ZSCAN23: variants seen among roughly 807,000 people sequenced by gnomAD.
ZSCAN23 encodes zinc finger and SCAN domain containing 23.
ZSCAN23 carries 19 observed loss-of-function variants against 19.3 expected under a neutral mutation model. The observed-to-expected ratio is 0.99, with a 90% CI of 0.69 to 1.45. The LOEUF (loss-of-function observed/expected upper bound fraction) is 1.45. Ranked by LOEUF, ZSCAN23 falls within the 40% of genes most tolerant of loss-of-function variation. The pLI is 0.00. For synonymous variants in ZSCAN23, 140 were observed against 166.2 expected (o/e 0.84, Z 1.21); for missense variants, 372 against 462.5 (o/e 0.80, Z 1.79).
rs1472013497 is a variant in ZSCAN23 at position 28,443,440 on chromosome 6, A to T, written c.-119T>A. On this transcript the variant is annotated 5_prime_UTR_variant, in exon 1 of 4. An upstream start codon of the reference 5' UTR is lost. Transcript: ENST00000289788. ...GGAGATGCCACCTAGCGCAGATCAC[A>T]TCTGCTCTGAATCCTTGACAACCGC... is the stretch of plus-strand genomic sequence containing the variant. 6.6e-6 allele frequency: 1 copy of T among 152,286 alleles called. No homozygotes were observed. The highest frequency in any genetic ancestry group is 1.9e-4 in the East Asian group (1 of 5,194). 9.4% of individuals were successfully genotyped at this position (152,286 alleles called of 1,614,324 possible).
intron 1 of ZSCAN23, among the ~76,000 whole-genome samples, chr6:28,441,088 C>T (rs547632321): frequency 6.6e-6 from 1 of 152,292 alleles, no homozygotes; most frequent in African/African-American, 2.4e-5. Context: ...AAGTTGGTTC[C>T]TCCTAGAGCC....
downstream of ZSCAN23, among the ~76,000 whole-genome samples, chr6:28,427,597 C>T (rs2114025996): frequency 6.6e-6 from 1 of 152,260 alleles, no homozygotes; most frequent in East Asian, 1.9e-4. Flanking sequence ...CTAAACATAT[C>T]TAAACACAGA....
chr6:28,429,729 G>GA (rs1561975024), downstream of ZSCAN23, among the ~76,000 whole-genome samples: 1 of 152,154 alleles, frequency 6.6e-6, no homozygotes, highest in Non-Finnish European at 1.5e-5. Flanking sequence ...TCCTGATCCT[G>GA]AGAGATCTAC....
At chr6:28,431,969 T>C (rs914229581), downstream of ZSCAN23, 5 of 152,222 alleles carry the variant, frequency 3.3e-5, no homozygotes, top group African/African-American at 1.2e-4. Context: ...TTATATTTTG[T>C]TCTTTTTTCT....
chr6:28,443,098 CGAATCTATTT>C (rs1186127867), intron 1 of ZSCAN23, among the ~76,000 whole-genome samples: 3 of 152,258 alleles, frequency 2.0e-5, no homozygotes, highest in South Asian at 2.1e-4. Flanking sequence ...TCTTCATATC[CGAATCTATTT>C]GAATCCTAAG....
intron 1 of ZSCAN23, among the ~76,000 whole-genome samples, chr6:28,439,249 G>A (rs906678657): frequency 2.6e-5 from 4 of 152,028 alleles, no homozygotes; most frequent in African/African-American, 9.7e-5. Flanking sequence ...ACCATGCCTA[G>A]CTAATTTTTG....
chr6:28,427,763 G>A (rs1043623899), downstream of ZSCAN23, among the ~76,000 whole-genome samples: 41 of 152,082 alleles, frequency 2.7e-4, no homozygotes, highest in African/African-American at 8.9e-4. Flanking sequence ...CTACTTCGTA[G>A]CTCTTATTCT....
At chr6:28,426,817 CTGTT>C in the ZSCAN23 span, among the ~76,000 whole-genome samples, 94 of 152,282 alleles carry the variant, frequency 6.2e-4, no homozygotes, top group East Asian at 3.5e-3. Context: ...AAAAGTTTGT[CTGTT>C]TGTTTGAGAC....
the ZSCAN23 span, among the ~76,000 whole-genome samples, chr6:28,422,225 A>G: frequency 6.6e-6 from 1 of 152,102 alleles, no homozygotes; most frequent in Non-Finnish European, 1.5e-5. This position sits in a 1 kb window ranked among gnomAD's most constrained non-coding sequence, Gnocchi z 4.0. Context: ...TTCATAGTAC[A>G]GAGTGAAGAA....
chr6:28,439,437 T>C (rs1363031460), intron 1 of ZSCAN23, among the ~76,000 whole-genome samples: 2 of 152,152 alleles, frequency 1.3e-5, no homozygotes, highest in Non-Finnish European at 2.9e-5. Context: ...TACCATACTA[T>C]CTTTTTCTGT....
At position 28,434,371 on chromosome 6, in the gene ZSCAN23, G is replaced by A; in HGVS notation, c.*94C>T. On this transcript the variant is annotated 3_prime_UTR_variant, in exon 4 of 4. Transcript: ENST00000289788. ...TATGCTTCTCTCTGCATAAAAGTAA[G>A]GGAATTTTTACTGGCTTTCCCTTGA... 7.2e-7 allele frequency: 1 copy of A among 1,386,230 alleles called. No homozygotes were observed. Among genetic ancestry groups the A allele is most frequent in the African/African-American group, 1.5e-5 (1 of 68,544 alleles). The allele number at this position is 1,386,230 out of a possible 1,614,324, so 85.9% of individuals were successfully genotyped here. A position where few individuals can be genotyped will look rare whatever the true frequency, so the allele number is the denominator to read the frequency against.
downstream of ZSCAN23, among the ~76,000 whole-genome samples, chr6:28,429,277 A>G (rs1239671208): frequency 1.3e-5 from 2 of 152,300 alleles, no homozygotes; most frequent in East Asian, 3.9e-4. Flanking sequence ...CATTTTTGCA[A>G]CATAAAGCCT....
Position 28,436,090 on chromosome 6 carries a change from G to A in ZSCAN23, c.177C>T (p.Ser59=), listed in dbSNP as rs749479125. Residue 59 remains serine (S), a synonymous_variant, in exon 2 of 4, where the codon TCC becomes TCT. Coordinates refer to ENST00000289788, the MANE Select transcript of ZSCAN23 (RefSeq NM_001012455.2). The part of the protein sequence containing the change: ...RRFRQFCYQE[S]PGPREALQRL... ...TTTGAAGAGCCTCCCGGGGCCCAGG[G>A]GACTCCTGATAGCAGAACTGCCTGA... 2 of 1,613,900 alleles carry A rather than the reference G, an allele frequency of 1.2e-6. No homozygotes were observed. Among genetic ancestry groups the A allele is most frequent in the Non-Finnish European group, 1.7e-6 (2 of 1,179,952 alleles).
downstream of ZSCAN23, among the ~76,000 whole-genome samples, chr6:28,430,151 G>A (rs1488194034): frequency 6.6e-6 from 1 of 152,152 alleles, no homozygotes; most frequent in Non-Finnish European, 1.5e-5. Context: ...TGGATCCTCC[G>A]TGTCCTCCGT....
intron 1 of ZSCAN23, among the ~76,000 whole-genome samples, chr6:28,439,176 C>A (rs748441441): frequency 3.9e-5 from 6 of 151,976 alleles, no homozygotes; most frequent in Non-Finnish European, 8.8e-5. Flanking sequence ...CAGCTCACTG[C>A]TTCCCAGGTT....
At chr6:28,439,406 G>T (rs1285325671) in intron 1 of ZSCAN23, among the ~76,000 whole-genome samples, 1 of 151,992 alleles carries the variant, frequency 6.6e-6, no homozygotes, top group Non-Finnish European at 1.5e-5. Flanking sequence ...TTTTCTTGGT[G>T]CGACTCACCA....
chr6:28,422,138 T>C, the ZSCAN23 span, among the ~76,000 whole-genome samples: 1 of 152,084 alleles, frequency 6.6e-6, no homozygotes, highest in Non-Finnish European at 1.5e-5. The surrounding 1 kb of genome is among the most constrained non-coding windows in gnomAD (Gnocchi z 4.0). Flanking sequence ...AATCTGATAA[T>C]GTTGAAGCTG....
rs1235313054 is a variant in ZSCAN23, at chr6:28,434,520, T to C, written c.1115A>G (p.Tyr372Cys). Residue 372 changes from tyrosine (Y) to cysteine (C), a missense_variant, in exon 4 of 4, where the codon TAC becomes TGC. Transcript: ENST00000289788. ...CCGATGCTGGATTAGGTTGCAATGG[T>C]AAATGAAGTTCTTGCCACATTCTTC... ...ECEECGKNFIYHCNLIQHRKV... is the reference protein window; with the variant it reads ...ECEECGKNFICHCNLIQHRKV... 1.2e-5 allele frequency: 19 copies of C among 1,552,220 alleles called. No individual in the cohort carries two copies. The highest frequency in any genetic ancestry group is 1.6e-5 in the Non-Finnish European group (18 of 1,147,154).
chr6:28,438,681 CAT>C (rs1391807374), intron 1 of ZSCAN23, among the ~76,000 whole-genome samples: 1 of 152,180 alleles, frequency 6.6e-6, no homozygotes, highest in African/African-American at 2.4e-5. Context: ...CGTCAGATCT[CAT>C]GAGAACGCAC....
Sources: allele counts gnomAD v4.1 joint callset (sites outside exome capture counted in the v4.1 genomes callset), GRCh38; gene constraint gnomAD v4.1.1; non-coding constraint Gnocchi (gnomAD v3.1); transcripts MANE v1.5; gene names NCBI Gene and HGNC (gene_info 2026-07-23, HGNC 2026-07-21).